DMD: variants seen among roughly 807,000 people sequenced by gnomAD.
The protein encoded by DMD is dystrophin.
Under a neutral mutation model 330.1 loss-of-function variants are expected in DMD, and 63 were observed. That is an observed-to-expected ratio of 0.19 (90% CI 0.16 to 0.24). The LOEUF is 0.24. Among genes scored for constraint, DMD ranks in the 10% least tolerant of loss-of-function variants. The probability of loss-of-function intolerance (pLI) is 1.00; values close to 1 mark genes in which losing one functional copy is unlikely to be tolerated. For missense variants in DMD, 3,344 were observed against 2,684.1 expected (o/e 1.25, Z -5.43); for synonymous variants, 1,223 against 959.8 (o/e 1.27, Z -5.07).
intron 50 of DMD, among the ~76,000 whole-genome samples, chrX:31,805,808 G>A (rs2092272659): frequency 8.9e-6 from 1 of 112,083 alleles, no homozygotes; most frequent in African/African-American, 3.2e-5. Context: ...TTTTCCCCTG[G>A]AGGAAGCCTT....
intron 50 of DMD, among the ~76,000 whole-genome samples, chrX:31,794,127 A>G (rs1270185526): frequency 1.8e-5 from 2 of 112,012 alleles, no homozygotes; most frequent in East Asian, 5.6e-4. Context: ...GGGTAAGGGA[A>G]GTGGTGTTAA....
intron 2 of DMD, among the ~76,000 whole-genome samples, chrX:32,902,585 A>G (rs1430893419): frequency 9.0e-6 from 1 of 110,644 alleles, no homozygotes; most frequent in Non-Finnish European, 1.9e-5. Context: ...TCAGTTCAAT[A>G]TAACTCATTA....
intron 44 of DMD, among the ~76,000 whole-genome samples, chrX:32,105,771 G>C (rs190088827): frequency 9.0e-6 from 1 of 111,435 alleles, no homozygotes; most frequent in South Asian, 3.7e-4. Context: ...TAAAAGGATC[G>C]TGTACAACAT....
chrX:32,672,616 C>A (rs1315369362), intron 9 of DMD, among the ~76,000 whole-genome samples: 3 of 110,615 alleles, frequency 2.7e-5, no homozygotes, highest in African/African-American at 9.8e-5. Context: ...CCAACTACAA[C>A]ATTTTATGCT....
chrX:32,034,639 T>C lies in DMD; in HGVS notation c.6439-66125A>G, dbSNP rs765239833. On this transcript the variant is annotated intron_variant, in intron 44 of 78. Transcript: ENST00000357033. The stretch of plus-strand genomic sequence containing the variant: ...GCAAAACATTGCTAACATACTAAGA[T>C]CTAATACAGTTTCATGGTGTCAAAA... Among the ~76,000 whole-genome samples, 3 of 111,504 alleles carry C rather than the reference T, an allele frequency of 2.7e-5. No individual in the cohort carries two copies. The East Asian group carries it at 8.5e-4, about 31-fold the overall frequency.
chrX:32,882,518 C>T (rs2084056523), intron 2 of DMD, among the ~76,000 whole-genome samples: 1 of 112,024 alleles, frequency 8.9e-6, no homozygotes, highest in South Asian at 3.7e-4. Flanking sequence ...GATGATTTCT[C>T]ATTCTTCCAA....
intron 49 of DMD, 69 bp from the exon 50 acceptor site, chrX:31,820,152 T>A: frequency 1.1e-6 from 1 of 890,106 alleles, no homozygotes; most frequent in South Asian, 2.0e-5. Flanking sequence ...AACATCTTAA[T>A]CCATTTGGTG....
intron 21 of DMD, among the ~76,000 whole-genome samples, chrX:32,475,022 T>G (rs2041081825): frequency 9.0e-6 from 1 of 111,712 alleles, no homozygotes; most frequent in Non-Finnish European, 1.9e-5. Context: ...CATCTTTAGT[T>G]GGTTTTTGTA....
At chrX:32,833,054 T>C (rs1052229534) in intron 4 of DMD, among the ~76,000 whole-genome samples, 6 of 111,959 alleles carry the variant, frequency 5.4e-5, no homozygotes, top group African/African-American at 1.9e-4. Context: ...TTTACATATT[T>C]AGTCATTCTT....
intron 44 of DMD, among the ~76,000 whole-genome samples, chrX:32,194,351 A>T (rs1232262282): frequency 8.9e-6 from 1 of 112,003 alleles, no homozygotes; most frequent in Non-Finnish European, 1.9e-5. Context: ...GCCTCTGTCC[A>T]CTCAATTCCA....
At chrX:32,300,481 AC>A (rs1258617610) in intron 42 of DMD, among the ~76,000 whole-genome samples, 1 of 111,425 alleles carries the variant, frequency 9.0e-6, no homozygotes, top group East Asian at 2.8e-4. Context: ...AAAAAGAACA[AC>A]AAAAAAAACC....
At chrX:32,731,472 CA>C (rs1211124668) in intron 7 of DMD, among the ~76,000 whole-genome samples, 1 of 112,809 alleles carries the variant, frequency 8.9e-6, no homozygotes, top group Non-Finnish European at 1.9e-5. Context: ...CACAGACAAA[CA>C]AAAAGACAGC....
At chrX:32,098,149 T>C (rs1412552065) in intron 44 of DMD, among the ~76,000 whole-genome samples, 1 of 112,064 alleles carries the variant, frequency 8.9e-6, no homozygotes, top group Non-Finnish European at 1.9e-5. Flanking sequence ...TAGGTACACA[T>C]ATTTGTAATT....
intron 47 of DMD, among the ~76,000 whole-genome samples, chrX:31,908,681 C>T (rs1384418120): frequency 2.7e-5 from 3 of 110,305 alleles, no homozygotes; most frequent in African/African-American, 1.0e-4. Context: ...CAAACCTGCA[C>T]GTTGTGCACA....
chrX:33,073,887 A>G (rs1372968398), intron 1 of DMD, among the ~76,000 whole-genome samples: 1 of 111,393 alleles, frequency 9.0e-6, no homozygotes, highest in Non-Finnish European at 1.9e-5. Flanking sequence ...AGCTAAGGCT[A>G]ACAGTCAATA....
At chrX:31,601,009 C>T (rs1220352420) in intron 55 of DMD, among the ~76,000 whole-genome samples, 1 of 110,811 alleles carries the variant, frequency 9.0e-6, no homozygotes, top group Admixed American at 9.7e-5. Flanking sequence ...AATGTGCCAT[C>T]TGTTTCTTGT....
intron 48 of DMD, among the ~76,000 whole-genome samples, chrX:31,846,754 A>T (rs2093434187): frequency 9.0e-6 from 1 of 111,262 alleles, no homozygotes; most frequent in Non-Finnish European, 1.9e-5. Flanking sequence ...ATATTCTTCA[A>T]TCACCCATAA....
intron 42 of DMD, among the ~76,000 whole-genome samples, chrX:32,297,799 G>A (rs370915764): frequency 1.8e-5 from 2 of 111,303 alleles, no homozygotes; most frequent in Non-Finnish European, 3.8e-5. Context: ...GAGGGGTCGG[G>A]GAAGACCTTA....
At chrX:32,171,531 A>T (rs980617413) in intron 44 of DMD, among the ~76,000 whole-genome samples, 1 of 111,813 alleles carries the variant, frequency 8.9e-6, no homozygotes, top group Non-Finnish European at 1.9e-5. Flanking sequence ...AAGGATGATT[A>T]AGTCATGGAC....
Sources: allele counts gnomAD v4.1 joint callset (sites outside exome capture counted in the v4.1 genomes callset), GRCh38; gene constraint gnomAD v4.1.1; transcripts MANE v1.5; gene names NCBI Gene and HGNC (gene_info 2026-07-23, HGNC 2026-07-21).